The following ADAMTS20 variants were observed in gnomAD, a reference collection of about 807,000 sequenced individuals.
ADAMTS20 encodes the protein A disintegrin and metalloproteinase with thrombospondin motifs 20.
A neutral mutation model predicts 260.1 loss-of-function variants in ADAMTS20; 225 were observed. That is an observed-to-expected ratio of 0.87 (90% CI 0.78 to 0.97). The LOEUF is 0.97. Ranked by LOEUF, ADAMTS20 falls within the 50% of genes least tolerant of loss-of-function variation. The pLI is 0.00. For missense variants in ADAMTS20, 2,400 were observed against 2,337.7 expected, an observed-to-expected ratio of 1.03 and a Z score of -0.55; for synonymous variants, 802 against 769.5, an observed-to-expected ratio of 1.04 and a Z score of -0.70.
chr12:43,389,885 G>A (rs748428976), intron 29 of ADAMTS20, among the ~76,000 whole-genome samples: 1 of 152,122 alleles, frequency 6.6e-6, no homozygotes, highest in Non-Finnish European at 1.5e-5. Context: ...CAAGTCCGTA[G>A]GCAGCTCTAT....
chr12:43,359,690 A>G (rs1370402128), intron 37 of ADAMTS20, among the ~76,000 whole-genome samples: 1 of 152,228 alleles, frequency 6.6e-6, no homozygotes. Flanking sequence ...AAATATGGCC[A>G]ATACTTTTGA....
intron 18 of ADAMTS20, among the ~76,000 whole-genome samples, chr12:43,437,535 C>A (rs1941579879): frequency 6.6e-6 from 1 of 152,074 alleles, no homozygotes; most frequent in Non-Finnish European, 1.5e-5. Flanking sequence ...ACAAGCATGA[C>A]AAGCATGAAA....
At position 43,383,959 on chromosome 12, in the gene ADAMTS20, A is replaced by G. The variant is rs770317890; in HGVS notation, c.4471T>C (p.Ser1491Pro). 7.4e-6 allele frequency: 12 copies of G among 1,613,676 alleles called. No homozygotes were observed. The highest frequency in any genetic ancestry group is 3.3e-5 in the South Asian group (3 of 91,050). The change falls in exon 30 of 39, where the codon TCT becomes CCT. Residue 1491 changes from serine to proline, a missense_variant. By Grantham distance (74) the Ser-to-Pro change is moderately conservative (BLOSUM62 -1). Transcript: ENST00000389420. ...SWNECSVTCG[S>P]GVQQRDVYCR... ...TATACATCCCTCTGCTGAACTCCAG[A>G]GCCACAGGTCACAGAGCACTACAAA...
intron 4 of ADAMTS20, among the ~76,000 whole-genome samples, chr12:43,499,160 T>A (rs1168595881): frequency 1.3e-5 from 2 of 152,164 alleles, no homozygotes; most frequent in African/African-American, 4.8e-5. Context: ...CCTACCCCAC[T>A]TATATTTGGA....
In ADAMTS20 at chr12:43,369,333, A is replaced by C; in HGVS notation, c.5495T>G (p.Phe1832Cys). The change falls in exon 37 of 39, where the codon TTT becomes TGT. Residue 1832 changes from phenylalanine (F) to cysteine (C), a missense_variant. Coordinates refer to ENST00000389420, the MANE Select transcript of ADAMTS20 (RefSeq NM_025003.5). Reference sequence around the variant, plus strand: ...ACTGTAGCAATCTCCAGCTGTGGCAAATGGAACTGCATTTCCAAATATTGT... The same window carrying C: ...ACTGTAGCAATCTCCAGCTGTGGCACATGGAACTGCATTTCCAAATATTGT... Reference protein sequence around the residue: ...SKTIFGNAVPFATAGDCYSAF... With the variant: ...SKTIFGNAVPCATAGDCYSAF... 1.3e-6 allele frequency: 2 copies of C among 1,568,818 alleles called. No homozygotes were observed. The highest frequency in any genetic ancestry group is 1.7e-6 in the Non-Finnish European group (2 of 1,158,868).
intron 3 of ADAMTS20, among the ~76,000 whole-genome samples, chr12:43,515,392 A>G (rs1942983929): frequency 2.0e-5 from 3 of 152,292 alleles, no homozygotes; most frequent in Middle Eastern, 6.8e-3. Context: ...TATTTGTTTA[A>G]AAAGTCATAA....
At chr12:43,538,972 A>ATTTTTTTT (rs1943336213) in intron 2 of ADAMTS20, among the ~76,000 whole-genome samples, 1 of 80,648 alleles carries the variant, frequency 1.2e-5, no homozygotes, top group Admixed American at 1.5e-4. Flanking sequence ...TTTTTTTTTG[A>ATTTTTTTT]GATGGAGTCT....
chr12:43,468,302 T>G (rs1942191642), intron 8 of ADAMTS20, among the ~76,000 whole-genome samples: 1 of 152,138 alleles, frequency 6.6e-6, no homozygotes, highest in African/African-American at 2.4e-5. Flanking sequence ...CAGTACCTGG[T>G]CATATATAGG....
rs905321350 is a variant in ADAMTS20 at position 43,551,033 on chromosome 12, C to T, written c.329G>A (p.Gly110Glu). 3.7e-6 allele frequency: 6 copies of T among 1,613,382 alleles called. No individual in the cohort carries two copies. The highest frequency in any genetic ancestry group is 5.1e-6 in the Non-Finnish European group (6 of 1,179,696). ...CTCCCAGGCCCCGCGCTCCGGGGTT[C>T]CCAAGTGCACCTCGGTGTAGCCGGC... is the stretch of plus-strand genomic sequence containing the variant. The part of the protein sequence containing the change: ...LAAGYTEVHL[G>E]TPERGAWESD... Residue 110 changes from glycine (G) to glutamate (E), a missense_variant, in exon 2 of 39, where the codon GGA becomes GAA. By Grantham distance (98) the Gly-to-Glu change is moderately conservative. Coordinates refer to ENST00000389420, the MANE Select transcript of ADAMTS20 (RefSeq NM_025003.5). The surrounding 1 kb of genome is among the most constrained non-coding windows in gnomAD (Gnocchi z 4.6).
intron 11 of ADAMTS20, among the ~76,000 whole-genome samples, chr12:43,455,006 A>G (rs997267269): frequency 1.3e-5 from 2 of 152,180 alleles, no homozygotes; most frequent in African/African-American, 2.4e-5. Flanking sequence ...GAACTTTTCC[A>G]TCTTGCAAAA....
intron 7 of ADAMTS20, among the ~76,000 whole-genome samples, chr12:43,469,634 T>C (rs114931545): frequency 0.032 from 4,918 of 152,306 alleles, 154 homozygotes; most frequent in African/African-American, 0.082. Flanking sequence ...AAAAAGATTT[T>C]TTCATAGATA....
chr12:43,539,702 T>C (rs1047968463), intron 2 of ADAMTS20, among the ~76,000 whole-genome samples: 1 of 152,144 alleles, frequency 6.6e-6, no homozygotes, highest in Non-Finnish European at 1.5e-5. Flanking sequence ...CATGGATCCA[T>C]GGAAAATCCT....
chr12:43,519,226 T>A (rs1009222766), intron 3 of ADAMTS20, among the ~76,000 whole-genome samples: 9 of 152,142 alleles, frequency 5.9e-5, no homozygotes, highest in Non-Finnish European at 1.2e-4. Context: ...ACTTTTGGTC[T>A]CTAAAAATTA....
rs762796905 is a variant in ADAMTS20, at chr12:43,425,576, T to G, written c.4222A>C (p.Ile1408Leu). Residue 1408 changes from isoleucine (I) to leucine (L), a missense_variant, in exon 28 of 39, where the codon ATA (isoleucine) becomes CTA (leucine). Ile to Leu is a conservative substitution (Grantham distance 5). Transcript: ENST00000389420. ...CEIVNKPPSV[I>L]QCHMHACPAD... ...GGGCAAGCATGCATATGACACTGTA[T>G]TACGCTAGGTGGCTTGTTTACAATT... 6.2e-7 allele frequency: 1 copy of G among 1,608,414 alleles called. No homozygotes were observed. The highest frequency in any genetic ancestry group is 8.5e-7 in the Non-Finnish European group (1 of 1,176,634).
intron 8 of ADAMTS20, among the ~76,000 whole-genome samples, chr12:43,468,203 G>A (rs905749341): frequency 6.6e-6 from 1 of 152,182 alleles, no homozygotes; most frequent in African/African-American, 2.4e-5. Context: ...ACATTACTGA[G>A]AGCAAGAAAT....
intron 3 of ADAMTS20, among the ~76,000 whole-genome samples, chr12:43,515,903 A>G (rs759650335): frequency 6.6e-6 from 1 of 152,200 alleles, no homozygotes; most frequent in Admixed American, 6.5e-5. Context: ...GAATTTAATA[A>G]TTCACCATTT....
chr12:43,383,659 C>A lies in ADAMTS20; in HGVS notation c.4696G>T (p.Val1566Leu). Residue 1566 changes from valine (V) to leucine (L), a missense_variant, in exon 31 of 39, where the codon GTG (valine) becomes TTG (leucine). Transcript: ENST00000389420. ...MECTDNQIRQ[V>L]NEIVYNSSTI... The stretch of plus-strand genomic sequence containing the variant: ...GAAGAATTATAGACTATTTCATTCA[C>A]TTGTCTGATTTGGTTATCTGTGCAC... 6.2e-7 allele frequency: 1 copy of A among 1,613,868 alleles called. No individual in the cohort carries two copies.
At chr12:43,539,644 A>G (rs1274722316) in intron 2 of ADAMTS20, among the ~76,000 whole-genome samples, 2 of 152,174 alleles carry the variant, frequency 1.3e-5, no homozygotes, top group African/African-American at 2.4e-5. Context: ...AACTAATTTT[A>G]CCCATACTTA....
At chr12:43,529,878 C>T (rs1943196704) in intron 3 of ADAMTS20, among the ~76,000 whole-genome samples, 1 of 151,948 alleles carries the variant, frequency 6.6e-6, no homozygotes, top group Non-Finnish European at 1.5e-5. Flanking sequence ...AAAAAAATAC[C>T]TTAGATAATT....
Sources: gnomAD v4.1 joint callset for allele counts (sites outside exome capture counted in the v4.1 genomes callset) on GRCh38, gnomAD v4.1.1 for gene constraint, Gnocchi (gnomAD v3.1) non-coding constraint, MANE v1.5 for transcripts, NCBI Gene and HGNC (gene_info 2026-07-23, HGNC 2026-07-21) for gene names.